GREB1L: variants seen among roughly 807,000 people sequenced by gnomAD.
GREB1L encodes the protein GREB1-like protein.
Under a neutral mutation model 200.8 loss-of-function variants are expected in GREB1L, and 17 were observed. The ratio of observed to expected loss-of-function variants is 0.08; its 90% CI spans 0.06 to 0.13. GREB1L has a LOEUF of 0.13. GREB1L is among the 10% of genes least tolerant of loss of function. The probability of loss-of-function intolerance (pLI) is 1.00; values close to 1 mark genes in which losing one functional copy is unlikely to be tolerated. For synonymous variants in GREB1L, 789 were observed against 893.0 expected (o/e 0.88, Z 2.08); for missense variants, 1,657 against 2,367.7 (o/e 0.70, Z 6.23).
At chr18:21,345,731 G>A (rs2143119686) in intron 1 of GREB1L, among the ~76,000 whole-genome samples, 1 of 152,134 alleles carries the variant, frequency 6.6e-6, no homozygotes, top group African/African-American at 2.4e-5. Flanking sequence ...AATGAGCCAA[G>A]CATGGTGGCA....
Position 21,522,909 on chromosome 18 carries a change from A to G in GREB1L, c.*88A>G, listed in dbSNP as rs2037628579. On this transcript the variant is annotated 3_prime_UTR_variant, in exon 33 of 33. Transcript: ENST00000424526. ...GATTTTTCTTTTTCCTTTAAAGTACAATCACTGTGGAGCAAAGTGCAACAT... is the reference window on the plus strand; with the variant it reads ...GATTTTTCTTTTTCCTTTAAAGTACGATCACTGTGGAGCAAAGTGCAACAT... The G allele has an allele frequency of 1.6e-6, 2 of 1,229,014 alleles. No homozygotes were observed. Among genetic ancestry groups the G allele is most frequent in the Non-Finnish European group, 2.2e-6 (2 of 899,604 alleles). The allele number at this position is 1,229,014 out of a possible 1,614,324, so 76.1% of individuals were successfully genotyped here. A position where few individuals can be genotyped will look rare whatever the true frequency, so the allele number is the denominator to read the frequency against.
chr18:21,484,333 C>G (rs2036043089), intron 17 of GREB1L, among the ~76,000 whole-genome samples: 1 of 151,826 alleles, frequency 6.6e-6, no homozygotes, highest in African/African-American at 2.4e-5. Context: ...CGCCACCACG[C>G]CTGGCTAATT....
chr18:21,405,229 A>C (rs1314394015), intron 7 of GREB1L, among the ~76,000 whole-genome samples: 1 of 152,232 alleles, frequency 6.6e-6, no homozygotes, highest in African/African-American at 2.4e-5. Context: ...TAGGTATTCA[A>C]GAAAGAAACA....
intron 1 of GREB1L, among the ~76,000 whole-genome samples, chr18:21,300,016 CT>C (rs1218846909): frequency 6.6e-6 from 1 of 152,034 alleles, no homozygotes; most frequent in African/African-American, 2.4e-5. Flanking sequence ...TGGAGAAAAT[CT>C]TTTTAAAGAA....
intron 1 of GREB1L, among the ~76,000 whole-genome samples, chr18:21,308,795 C>T (rs1162542051): frequency 6.6e-6 from 1 of 152,210 alleles, no homozygotes; most frequent in Non-Finnish European, 1.5e-5. Flanking sequence ...GTGCTATTGA[C>T]ACTCATTAGT....
intron 15 of GREB1L, among the ~76,000 whole-genome samples, chr18:21,461,575 A>G (rs1265921106): frequency 6.6e-6 from 1 of 152,114 alleles, no homozygotes; most frequent in Non-Finnish European, 1.5e-5. Context: ...GGAGACCTCC[A>G]TTCCTTTCAT....
intron 2 of GREB1L, among the ~76,000 whole-genome samples, chr18:21,382,974 T>C (rs1295509308): frequency 3.3e-5 from 5 of 152,186 alleles, no homozygotes; most frequent in Non-Finnish European, 7.3e-5. Flanking sequence ...CATAAATGAA[T>C]TATTCAAGTT....
At chr18:21,457,754 A>G (rs1260299756) in intron 15 of GREB1L, among the ~76,000 whole-genome samples, 1 of 152,350 alleles carries the variant, frequency 6.6e-6, no homozygotes, top group Non-Finnish European at 1.5e-5. Flanking sequence ...AGAAAGGACT[A>G]GAAGCATGTT....
At chr18:21,379,520 A>C (rs1240640123) in intron 2 of GREB1L, among the ~76,000 whole-genome samples, 2 of 152,178 alleles carry the variant, frequency 1.3e-5, no homozygotes, top group African/African-American at 4.8e-5. Context: ...CAAGATTTTC[A>C]ATGATGAAAG....
chr18:21,478,371 A>C (rs2035791055), intron 17 of GREB1L, among the ~76,000 whole-genome samples: 1 of 152,262 alleles, frequency 6.6e-6, no homozygotes, highest in South Asian at 2.1e-4. Context: ...TGAGTTTCAT[A>C]AAAATAATAA....
intron 1 of GREB1L, among the ~76,000 whole-genome samples, chr18:21,336,014 T>C (rs749559071): frequency 1.3e-5 from 2 of 152,162 alleles, no homozygotes; most frequent in South Asian, 4.1e-4. Context: ...CTTCATTCTT[T>C]CAGTGAGAGG....
intron 24 of GREB1L, 74 bp from the exon 25 acceptor site, chr18:21,505,736 A>G (rs546296881): frequency 3.4e-6 from 5 of 1,457,070 alleles, no homozygotes; most frequent in African/African-American, 2.8e-5. Context: ...TTTTGGGGAA[A>G]GAGGGACTTT....
At chr18:21,390,709 G>C (rs2040764842) in intron 4 of GREB1L, among the ~76,000 whole-genome samples, 1 of 151,982 alleles carries the variant, frequency 6.6e-6, no homozygotes, top group Admixed American at 6.6e-5. Context: ...GCTAATTTTT[G>C]TATTTTTAGT....
In GREB1L at chr18:21,493,592, T is replaced by C. The variant is rs554360625; in HGVS notation, c.3031-2078T>C. On this transcript the variant is annotated intron_variant, in intron 19 of 32. Coordinates refer to ENST00000424526, the MANE Select transcript of GREB1L (RefSeq NM_001142966.3). ...AATAAACATCCTCATATAGGCCAGG[T>C]GCAGTGGCTCACGCCTATAATCCCA... is the stretch of plus-strand genomic sequence containing the variant. 1.5e-3 allele frequency among the ~76,000 whole-genome samples: 223 copies of C among 152,164 alleles called. 1 individual carries two copies. Among genetic ancestry groups the C allele is most frequent in the African/African-American group, 4.8e-3 (201 of 41,518 alleles).
intron 1 of GREB1L, among the ~76,000 whole-genome samples, chr18:21,320,637 G>T (rs939838084): frequency 9.2e-5 from 14 of 151,974 alleles, no homozygotes; most frequent in Non-Finnish European, 1.8e-4. Flanking sequence ...GTAGTGGTGG[G>T]TGCATGTAGT....
At chr18:21,506,091 A>G (rs1005158916) in intron 25 of GREB1L, 142 bp downstream of exon 25, 1 of 921,336 alleles carries the variant, frequency 1.1e-6, no homozygotes, top group Non-Finnish European at 1.6e-6. Flanking sequence ...GGAGCCACTC[A>G]TTGGTGAGAA....
At chr18:21,381,125 G>A (rs1040305791) in intron 2 of GREB1L, among the ~76,000 whole-genome samples, 7 of 152,006 alleles carry the variant, frequency 4.6e-5, no homozygotes, top group Middle Eastern at 3.4e-3. Flanking sequence ...GCCTGTAGCC[G>A]CAGCTACTCG....
intron 26 of GREB1L, 26 bp from the exon 27 acceptor site, chr18:21,508,361 T>C (rs2037101081): frequency 6.4e-7 from 1 of 1,550,774 alleles, no homozygotes; most frequent in East Asian, 2.4e-5. Flanking sequence ...TTTCCCTTTA[T>C]GGTCTGTTTT....
At chr18:21,316,759 C>CTTTTTTTT (rs1228861731) in intron 1 of GREB1L, 3 of 113,104 alleles carry the variant, frequency 2.7e-5, no homozygotes, top group Non-Finnish European at 3.6e-5. Context: ...ATGACTATGT[C>CTTTTTTTT]TTTTTTTTTT....
Sources: allele counts gnomAD v4.1 joint callset (sites outside exome capture counted in the v4.1 genomes callset), GRCh38; gene constraint gnomAD v4.1.1; transcripts MANE v1.5; gene names NCBI Gene and HGNC (gene_info 2026-07-23, HGNC 2026-07-21).